Variants in STAU2 observed in about 807,000 individuals in gnomAD.
The protein encoded by STAU2 is double-stranded RNA-binding protein Staufen homolog 2.
Under a neutral mutation model 65.9 loss-of-function variants are expected in STAU2, and 20 were observed. The ratio of observed to expected loss-of-function variants is 0.30; its 90% CI spans 0.21 to 0.44. STAU2 has a LOEUF of 0.44. Among genes scored for constraint, STAU2 ranks in the 20% least tolerant of loss-of-function variants. The probability of loss-of-function intolerance (pLI) is 1.00; values close to 1 mark genes in which losing one functional copy is unlikely to be tolerated. For synonymous variants in STAU2, 232 were observed against 233.9 expected (o/e 0.99, Z 0.07); for missense variants, 558 against 683.9 (o/e 0.82, Z 2.05).
At chr8:73,422,040 C>G (rs1417476577) in intron 14 of STAU2, among the ~76,000 whole-genome samples, 3 of 151,528 alleles carry the variant, frequency 2.0e-5, no homozygotes, top group African/African-American at 7.3e-5. Flanking sequence ...GTTCACATCT[C>G]ATTAAAGCAA....
intron 5 of STAU2, among the ~76,000 whole-genome samples, chr8:73,683,644 A>G (rs546961424): frequency 6.6e-6 from 1 of 152,320 alleles, no homozygotes; most frequent in East Asian, 1.9e-4. Context: ...AAGGGCATCC[A>G]AATCGATAAA....
chr8:73,440,308 C>T (rs910308523), intron 13 of STAU2: 1 of 152,222 alleles, frequency 6.6e-6, no homozygotes, highest in Non-Finnish European at 1.5e-5. Flanking sequence ...GCCTCCTGCC[C>T]TAGAATTCAC....
chr8:73,593,277 G>C (rs1292016309), intron 11 of STAU2, among the ~76,000 whole-genome samples: 22 of 152,168 alleles, frequency 1.4e-4, no homozygotes, highest in Admixed American at 1.4e-3. Context: ...ATGCAAACCA[G>C]ATCAATTCAC....
chr8:73,588,742 G>GT (rs1342984387), intron 11 of STAU2, among the ~76,000 whole-genome samples: 1 of 152,158 alleles, frequency 6.6e-6, no homozygotes, highest in Non-Finnish European at 1.5e-5. Flanking sequence ...CTACTTGAGA[G>GT]TAAGACACTA....
intron 2 of STAU2, among the ~76,000 whole-genome samples, chr8:73,739,194 T>C (rs751075963): frequency 5.2e-4 from 77 of 146,912 alleles, no homozygotes; most frequent in Non-Finnish European, 8.5e-4. Context: ...GATTGCGCCA[T>C]TGCACTCCAG....
chr8:73,645,679 T>C (rs1815315880), intron 6 of STAU2, among the ~76,000 whole-genome samples: 1 of 152,196 alleles, frequency 6.6e-6, no homozygotes, highest in Non-Finnish European at 1.5e-5. Flanking sequence ...AGAGTTTTAA[T>C]TGGCTTATGG....
chr8:73,578,987 A>ACC (rs60925472), intron 12 of STAU2, among the ~76,000 whole-genome samples: 8 of 66,306 alleles, frequency 1.2e-4, no homozygotes, highest in East Asian at 5.3e-4. Flanking sequence ...ACCCCTACCC[A>ACC]CCCCCCCAAA....
intron 3 of STAU2, among the ~76,000 whole-genome samples, chr8:73,727,579 A>G (rs1170668017): frequency 6.6e-6 from 1 of 152,230 alleles, no homozygotes; most frequent in Non-Finnish European, 1.5e-5. Context: ...CAATTTATGG[A>G]ATACAGACTA....
chr8:73,576,268 C>T (rs1324807452), intron 12 of STAU2, among the ~76,000 whole-genome samples: 1 of 152,036 alleles, frequency 6.6e-6, no homozygotes, highest in Non-Finnish European at 1.5e-5. Flanking sequence ...ATGGATAAAT[C>T]ATTATGGGAT....
chr8:73,625,584 G>A lies in STAU2; in HGVS notation c.411-8133C>T, dbSNP rs188670975. 4.6e-5 allele frequency among the ~76,000 whole-genome samples: 7 copies of A among 152,250 alleles called. No individual in the cohort carries two copies. The East Asian group carries it at 1.3e-3, about 29-fold the overall frequency. ...GAGGAGTAACTGTTAACAGGTATGG[G>A]GTTTCTTTTAGGAGTGATAGATATG... On this transcript the variant is annotated intron_variant, in intron 6 of 14. Transcript: ENST00000524300.
chr8:73,559,745 A>T (rs1045989228), intron 12 of STAU2, among the ~76,000 whole-genome samples: 1 of 152,146 alleles, frequency 6.6e-6, no homozygotes, highest in Non-Finnish European at 1.5e-5. Context: ...TGTTGTTGGG[A>T]TCAAATCGAA....
rs71269927 is a variant in STAU2 at position 73,649,869 on chromosome 8, T to TTATTTATATATA, written c.410+23237_410+23238insTATATATAAATA. On this transcript the variant is annotated intron_variant, in intron 6 of 14. Transcript: ENST00000524300. ...TAGTATATATGTCTTCTATATAATT[T>TTATTTATATATA]TATATATATATATATATATATATAT... 5.1e-3 allele frequency among the ~76,000 whole-genome samples: 368 copies of TTATTTATATATA among 71,592 alleles called. 27 individuals carry two copies. Among genetic ancestry groups the TTATTTATATATA allele is most frequent in the South Asian group, 8.1e-3 (13 of 1,612 alleles). 47.0% of individuals were successfully genotyped at this position (71,592 alleles called of 152,430 possible). A position where few individuals can be genotyped will look rare whatever the true frequency, so the allele number is the denominator to read the frequency against.
chr8:73,659,349 C>T (rs1816651420), intron 6 of STAU2, among the ~76,000 whole-genome samples: 1 of 152,072 alleles, frequency 6.6e-6, no homozygotes. Flanking sequence ...ACCAGCCTGA[C>T]CAACATGGAG....
At chr8:73,502,660 G>A (rs1275408604) in intron 13 of STAU2, among the ~76,000 whole-genome samples, 5 of 151,934 alleles carry the variant, frequency 3.3e-5, no homozygotes, top group African/African-American at 1.2e-4. Flanking sequence ...GTCACCTTCT[G>A]CATAAAATTC....
chr8:73,662,713 T>C (rs1188822927), intron 6 of STAU2, among the ~76,000 whole-genome samples: 1 of 151,934 alleles, frequency 6.6e-6, no homozygotes, highest in Non-Finnish European at 1.5e-5. Context: ...GCCTCCCGGG[T>C]TCAAGCAATT....
chr8:73,518,841 G>A (rs79945001), intron 13 of STAU2, among the ~76,000 whole-genome samples: 3,061 of 152,090 alleles, frequency 0.02, 102 homozygotes, highest in African/African-American at 0.069. Context: ...TGTGTAAAAC[G>A]AAAATTGTAT....
chr8:73,610,538 C>CAAA (rs59599554), intron 9 of STAU2, among the ~76,000 whole-genome samples: 5 of 95,142 alleles, frequency 5.3e-5, no homozygotes, highest in African/African-American at 7.6e-5. Context: ...GACCCCGTCT[C>CAAA]AAAAAAAAAA....
At chr8:73,614,260 C>G (rs1370622466) in intron 8 of STAU2, among the ~76,000 whole-genome samples, 2 of 152,008 alleles carry the variant, frequency 1.3e-5, no homozygotes, top group East Asian at 3.8e-4. Flanking sequence ...TTAAGAACAT[C>G]AAAGATACCA....
intron 12 of STAU2, among the ~76,000 whole-genome samples, chr8:73,557,959 A>G (rs941231017): frequency 1.3e-5 from 2 of 152,204 alleles, no homozygotes; most frequent in Non-Finnish European, 2.9e-5. Context: ...TTTAATTCCC[A>G]TAACAACCAT....
Sources: allele counts gnomAD v4.1 joint callset (sites outside exome capture counted in the v4.1 genomes callset), GRCh38; gene constraint gnomAD v4.1.1; transcripts MANE v1.5; gene names NCBI Gene and HGNC (gene_info 2026-07-23, HGNC 2026-07-21).